The following KCND2 variants were observed in gnomAD, a reference collection of about 807,000 sequenced individuals.
KCND2 encodes A-type voltage-gated potassium channel KCND2.
KCND2 carries 16 observed loss-of-function variants against 54.4 expected under a neutral mutation model. The observed-to-expected ratio is 0.29, with a 90% CI of 0.20 to 0.45. The LOEUF is 0.45. KCND2 is among the 20% of genes least tolerant of loss of function. The pLI is 1.00. For synonymous variants in KCND2, 317 were observed against 310.7 expected (o/e 1.02, Z -0.21); for missense variants, 486 against 824.2 (o/e 0.59, Z 5.02).
chr7:120,551,565 G>T (rs1341013425), intron 1 of KCND2, among the ~76,000 whole-genome samples: 1 of 152,098 alleles, frequency 6.6e-6, no homozygotes, highest in Non-Finnish European at 1.5e-5. Context: ...TGCAGAGAAA[G>T]ATATACTATT....
intron 1 of KCND2, among the ~76,000 whole-genome samples, chr7:120,434,685 A>C (rs1313594998): frequency 1.3e-4 from 20 of 152,220 alleles, no homozygotes; most frequent in African/African-American, 2.4e-5. Context: ...GTTGGAGTTT[A>C]TTACTTCCTT....
chr7:120,654,360 T>C (rs982436827), intron 1 of KCND2, among the ~76,000 whole-genome samples: 12 of 152,216 alleles, frequency 7.9e-5, no homozygotes, highest in Non-Finnish European at 1.6e-4. Flanking sequence ...TAATAGATAC[T>C]TGTATCTTGC....
intron 1 of KCND2, among the ~76,000 whole-genome samples, chr7:120,617,402 A>T (rs1793039929): frequency 6.6e-6 from 1 of 152,230 alleles, no homozygotes; most frequent in African/African-American, 2.4e-5. Flanking sequence ...GCTCAACATC[A>T]CTAATCATTA....
intron 1 of KCND2, among the ~76,000 whole-genome samples, chr7:120,339,563 A>G (rs1800210081): frequency 6.6e-6 from 1 of 151,172 alleles, no homozygotes; most frequent in African/African-American, 2.4e-5. Context: ...CCAGGTGAGT[A>G]GGATATAAGT....
chr7:120,501,046 C>A (rs1802924330), intron 1 of KCND2, among the ~76,000 whole-genome samples: 1 of 151,788 alleles, frequency 6.6e-6, no homozygotes, highest in African/African-American at 2.4e-5. Flanking sequence ...CAAATGTATA[C>A]CCTAAAGCTA....
chr7:120,686,023 C>T (rs1290156309), intron 1 of KCND2, among the ~76,000 whole-genome samples: 1 of 152,126 alleles, frequency 6.6e-6, no homozygotes, highest in African/African-American at 2.4e-5. Context: ...AAACAGAATG[C>T]AGTCATAAAA....
chr7:120,378,730 A>T (rs904060548), intron 1 of KCND2, among the ~76,000 whole-genome samples: 2 of 152,026 alleles, frequency 1.3e-5, no homozygotes, highest in African/African-American at 4.8e-5. Flanking sequence ...TTCATTAAGT[A>T]ATAATTCAAA....
At chr7:120,373,904 T>C (rs1398343244) in intron 1 of KCND2, among the ~76,000 whole-genome samples, 1 of 151,826 alleles carries the variant, frequency 6.6e-6, no homozygotes, top group African/African-American at 2.4e-5. Flanking sequence ...TAAAAAAGAT[T>C]TGAAATTACA....
At chr7:120,655,813 T>C (rs1791794601) in intron 1 of KCND2, among the ~76,000 whole-genome samples, 1 of 152,112 alleles carries the variant, frequency 6.6e-6, no homozygotes, top group South Asian at 2.1e-4. Context: ...TATGAATAAT[T>C]TATCTACATT....
At chr7:120,497,316 C>A (rs1802863385) in intron 1 of KCND2, among the ~76,000 whole-genome samples, 1 of 152,046 alleles carries the variant, frequency 6.6e-6, no homozygotes. Context: ...CTTAAAAATC[C>A]CTTGGAGAGT....
At chr7:120,544,646 C>T (rs1250814367) in intron 1 of KCND2, among the ~76,000 whole-genome samples, 1 of 151,952 alleles carries the variant, frequency 6.6e-6, no homozygotes, top group African/African-American at 2.4e-5. Context: ...ATGGCCACAA[C>T]TGCAACAATA....
At chr7:120,645,232 A>C (rs890866431) in intron 1 of KCND2, among the ~76,000 whole-genome samples, 1 of 152,216 alleles carries the variant, frequency 6.6e-6, no homozygotes, top group African/African-American at 2.4e-5. Context: ...ATGGCATGCT[A>C]ATATGTGATT....
chr7:120,371,618 G>A (rs1380529410), intron 1 of KCND2, among the ~76,000 whole-genome samples: 2 of 151,954 alleles, frequency 1.3e-5, no homozygotes, highest in Non-Finnish European at 2.9e-5. Context: ...GATTCACCCA[G>A]AGCAACTTCC....
At chr7:120,613,978 TA>T (rs1792989814) in intron 1 of KCND2, among the ~76,000 whole-genome samples, 1 of 152,136 alleles carries the variant, frequency 6.6e-6, no homozygotes, top group South Asian at 2.1e-4. Flanking sequence ...GATTTTTAGA[TA>T]AACAACTCTC....
intron 1 of KCND2, among the ~76,000 whole-genome samples, chr7:120,583,335 A>G (rs1792544085): frequency 6.6e-6 from 1 of 152,084 alleles, no homozygotes; most frequent in African/African-American, 2.4e-5. Context: ...TTTTTTCCTA[A>G]TGAATTTTAT....
chr7:120,453,777 A>G (rs1040168179), intron 1 of KCND2, among the ~76,000 whole-genome samples: 1 of 152,190 alleles, frequency 6.6e-6, no homozygotes, highest in African/African-American at 2.4e-5. Context: ...TTATACCTCT[A>G]AACACTCATA....
chr7:120,519,329 T>C (rs1401743158), intron 1 of KCND2, among the ~76,000 whole-genome samples: 3 of 151,942 alleles, frequency 2.0e-5, no homozygotes, highest in African/African-American at 7.2e-5. Flanking sequence ...CCTGGATGAC[T>C]GAGTGAGACT....
chr7:120,527,380 G>A (rs1259345803), intron 1 of KCND2, among the ~76,000 whole-genome samples: 1 of 152,070 alleles, frequency 6.6e-6, no homozygotes, highest in Admixed American at 6.6e-5. Context: ...CCTTAAAACT[G>A]CGAGACACCT....
intron 1 of KCND2, among the ~76,000 whole-genome samples, chr7:120,583,141 T>C (rs186073844): frequency 1.3e-5 from 2 of 152,260 alleles, no homozygotes; most frequent in South Asian, 2.1e-4. Context: ...AGTGGATAAG[T>C]ACTCAGTCAC....
Sources: allele counts gnomAD v4.1 joint callset (sites outside exome capture counted in the v4.1 genomes callset), GRCh38; gene constraint gnomAD v4.1.1; transcripts MANE v1.5; gene names NCBI Gene and HGNC (gene_info 2026-07-23, HGNC 2026-07-21).